Variants in EVC observed in about 807,000 individuals in gnomAD.
The protein encoded by EVC is evC complex member EVC.
A neutral mutation model predicts 118.9 loss-of-function variants in EVC; 116 were observed. The ratio of observed to expected loss-of-function variants is 0.98; its 90% CI spans 0.84 to 1.14. The LOEUF is 1.14. Ranked by LOEUF, EVC falls within the 50% of genes most tolerant of loss-of-function variation. The pLI is 0.00. For synonymous variants in EVC, 619 were observed against 534.7 expected (o/e 1.16, Z -2.18); for missense variants, 1,401 against 1,246.4 (o/e 1.12, Z -1.87).
chr4:5,815,452 C>T (rs182905950), downstream of EVC, among the ~76,000 whole-genome samples: 44 of 152,312 alleles, frequency 2.9e-4, no homozygotes, highest in African/African-American at 1.0e-3. Flanking sequence ...TCCACACCCT[C>T]ATAGGGAGAC....
chr4:5,772,862 G>T (rs1335551010), intron 11 of EVC, among the ~76,000 whole-genome samples: 2 of 152,110 alleles, frequency 1.3e-5, no homozygotes, highest in Non-Finnish European at 2.9e-5. Context: ...CCTTCCCTGG[G>T]CTTTGCCTAG....
chr4:5,771,119 C>T (rs1379245986), intron 11 of EVC, among the ~76,000 whole-genome samples: 4 of 152,110 alleles, frequency 2.6e-5, no homozygotes, highest in Admixed American at 1.3e-4. Context: ...CTAATGACCA[C>T]AAACTCAGTG....
intron 11 of EVC, among the ~76,000 whole-genome samples, chr4:5,776,585 C>G (rs1265502432): frequency 6.6e-6 from 1 of 152,150 alleles, no homozygotes; most frequent in East Asian, 1.9e-4. Flanking sequence ...TCTTCAAATA[C>G]TGCTTCTACC....
chr4:5,771,808 T>C (rs1194576245), intron 11 of EVC, among the ~76,000 whole-genome samples: 1 of 152,210 alleles, frequency 6.6e-6, no homozygotes, highest in Non-Finnish European at 1.5e-5. Context: ...TGACCAAGGA[T>C]GCAGGGACTG....
the EVC span, chr4:5,821,966 T>G: frequency 2.5e-6 from 2 of 813,020 alleles, no homozygotes; most frequent in Admixed American, 5.1e-5. This position sits in a 1 kb window ranked among gnomAD's most constrained non-coding sequence, Gnocchi z 4.4. Flanking sequence ...CATTCAGGGC[T>G]CAGTCCAGGA....
chr4:5,750,160 A>G (rs972774051), intron 8 of EVC, among the ~76,000 whole-genome samples: 1 of 152,132 alleles, frequency 6.6e-6, no homozygotes, highest in Non-Finnish European at 1.5e-5. Flanking sequence ...CGTCCTCTCT[A>G]ATGACATCGC....
intron 17 of EVC, among the ~76,000 whole-genome samples, chr4:5,805,573 C>T (rs934356670): frequency 1.3e-5 from 2 of 152,228 alleles, no homozygotes; most frequent in Middle Eastern, 3.2e-3. Context: ...TCCTGCGAAA[C>T]TTGCAGGTTC....
intron 17 of EVC, 64 bp from the exon 18 acceptor site, chr4:5,808,130 TCTCCCTC>T (rs1716237428): frequency 3.2e-6 from 1 of 313,878 alleles, no homozygotes; most frequent in Non-Finnish European, 5.8e-6. Flanking sequence ...CTGCCTTCCT[TCTCCCTC>T]CCTCCCTCCC....
At position 5,734,955 on chromosome 4, in the gene EVC, G is replaced by A. The variant is rs528542979; in HGVS notation, c.702+1520G>A. Among the ~76,000 whole-genome samples the A allele has an allele frequency of 4.1e-4, 63 of 152,260 alleles. 2 individuals carry two copies. The South Asian group carries it at 0.012, about 28-fold the overall frequency. On this transcript the variant is annotated intron_variant, in intron 5 of 20. Transcript: ENST00000264956. ...AGGACCAGTTGTTTCTGGGCTCAGA[G>A]CCTGTCCAGTTGGCAAGCAGAGTAG...
In EVC at chr4:5,738,657, C is replaced by T. The variant is rs1245577590; in HGVS notation, c.703-3059C>T. ...TCTCAACTCACTGCAAACTTTGCCT[C>T]CCAGATTCAAGTGATTCTCCCGCCT... On this transcript the variant is annotated intron_variant, in intron 5 of 20. Coordinates refer to ENST00000264956, the MANE Select transcript of EVC (RefSeq NM_153717.3). The surrounding 1 kb of genome is among the most constrained non-coding windows in gnomAD (Gnocchi z 6.5). Among the ~76,000 whole-genome samples the T allele has an allele frequency of 1.3e-5, 2 of 151,758 alleles. No individual in the cohort carries two copies. The highest frequency in any genetic ancestry group is 4.8e-5 in the African/African-American group (2 of 41,308).
chr4:5,750,410 T>A (rs1334582981), intron 8 of EVC, among the ~76,000 whole-genome samples: 1 of 152,236 alleles, frequency 6.6e-6, no homozygotes, highest in Non-Finnish European at 1.5e-5. Context: ...GATCCTCCAG[T>A]TTAACAGCAT....
At chr4:5,816,482 G>A (rs1263212531), downstream of EVC, among the ~76,000 whole-genome samples, 1 of 152,152 alleles carries the variant, frequency 6.6e-6, no homozygotes, top group Non-Finnish European at 1.5e-5. Context: ...GACAGCCTGG[G>A]CCCCAGGACT....
At chr4:5,711,665 T>G in intron 1 of EVC, 111 bp downstream of exon 1, 5 of 899,926 alleles carry the variant, frequency 5.6e-6, no homozygotes, top group Non-Finnish European at 6.8e-6. Context: ...GGTTGGGAAC[T>G]TCGCACGCAA....
chr4:5,730,889 A>C (rs1726697394), intron 3 of EVC, among the ~76,000 whole-genome samples: 1 of 148,084 alleles, frequency 6.8e-6, no homozygotes, highest in Non-Finnish European at 1.5e-5. Context: ...GCCAGGCCCC[A>C]GGCTGTGACC....
the EVC span, among the ~76,000 whole-genome samples, chr4:5,820,038 G>C: frequency 9.2e-5 from 14 of 152,160 alleles, no homozygotes; most frequent in Admixed American, 4.6e-4. Flanking sequence ...CTTTGGACTA[G>C]GGCCCAAAGT....
Position 5,743,804 on chromosome 4 carries a change from C to T in EVC, c.802-1400C>T, listed in dbSNP as rs978204633. 6.6e-6 allele frequency among the ~76,000 whole-genome samples: 1 copy of T among 152,170 alleles called. No individual in the cohort carries two copies. The highest frequency in any genetic ancestry group is 2.4e-5 in the African/African-American group (1 of 41,448). On this transcript the variant is annotated intron_variant, in intron 6 of 20. Coordinates refer to ENST00000264956, the MANE Select transcript of EVC (RefSeq NM_153717.3). This position sits in a 1 kb window ranked among gnomAD's most constrained non-coding sequence, Gnocchi z 4.7. ...ATTTCATTTAATAGTTATGACAGCC[C>T]TGTGAGTGGCCATTGTTATTTTTGT... is the stretch of plus-strand genomic sequence containing the variant.
chr4:5,802,014 T>G lies in EVC; in HGVS notation c.2369T>G (p.Val790Gly). ...ACCAGCGCTGGTGTCAGCCGCCTGGTGCAGGCGTATTACCAGCAAATCGGA... is the reference window on the plus strand; with the variant it reads ...ACCAGCGCTGGTGTCAGCCGCCTGGGGCAGGCGTATTACCAGCAAATCGGA... ...YVTSAGVSRL[V>G]QAYYQQIGRI... The change falls in exon 16 of 21, where the codon GTG becomes GGG. Residue 790 changes from valine (V) to glycine (G), a missense_variant. Transcript: ENST00000264956. 1 of 1,614,156 alleles carries G rather than the reference T, an allele frequency of 6.2e-7. No homozygotes were observed. The highest frequency in any genetic ancestry group is 8.5e-7 in the Non-Finnish European group (1 of 1,180,028).
Position 5,794,446 on chromosome 4 carries a change from G to A in EVC, c.1886+729G>A, listed in dbSNP as rs190019566. ...TCTCGAGACAGACTCTCGCTCTGTCGCCCAGGCTAGTGTCCAGTGGTGCAA... is the reference window on the plus strand; with the variant it reads ...TCTCGAGACAGACTCTCGCTCTGTCACCCAGGCTAGTGTCCAGTGGTGCAA... On this transcript the variant is annotated intron_variant, in intron 13 of 20. Coordinates refer to ENST00000264956, the MANE Select transcript of EVC (RefSeq NM_153717.3). Among the ~76,000 whole-genome samples, 212 of 144,722 alleles carry A rather than the reference G, an allele frequency of 1.5e-3. 1 individual carries two copies. The highest frequency in any genetic ancestry group is 5.2e-3 in the African/African-American group (201 of 38,978). 94.9% of individuals were successfully genotyped at this position (144,722 alleles called of 152,430 possible).
At chr4:5,734,809 C>A (rs1054624558) in intron 5 of EVC, among the ~76,000 whole-genome samples, 1 of 152,192 alleles carries the variant, frequency 6.6e-6, no homozygotes, top group African/African-American at 2.4e-5. Flanking sequence ...CCCTTCACCC[C>A]CTCTATCCCC....
Sources: allele counts gnomAD v4.1 joint callset (sites outside exome capture counted in the v4.1 genomes callset), GRCh38; gene constraint gnomAD v4.1.1; non-coding constraint Gnocchi (gnomAD v3.1); transcripts MANE v1.5; gene names NCBI Gene and HGNC (gene_info 2026-07-23, HGNC 2026-07-21).